RIT2: variants seen among roughly 807,000 people sequenced by gnomAD.
RIT2 encodes GTP-binding protein Rit2.
In RIT2, 24 loss-of-function variants were observed where a neutral mutation model predicts 23.7. That is an observed-to-expected ratio of 1.01 (90% CI 0.73 to 1.43). The LOEUF (loss-of-function observed/expected upper bound fraction) is 1.43, where lower values mean the gene tolerates loss of function less well. RIT2 is among the 40% of genes most tolerant of loss of function. The pLI is 0.00. For synonymous variants in RIT2, 107 were observed against 91.1 expected (o/e 1.17, Z -0.99); for missense variants, 236 against 266.9 (o/e 0.88, Z 0.81).
Position 42,743,732 on chromosome 18 carries a change from A to G in RIT2, c.427-12T>C, listed in dbSNP as rs1555634997. ...TCTTCTGTAGAAACCTAAGGAAAAA[A>G]CAAATAATATTAAAAAGACAGAAAG... On this transcript the variant is annotated splice_polypyrimidine_tract_variant and intron_variant, in intron 4 of 4. Coordinates refer to ENST00000326695, the MANE Select transcript of RIT2 (RefSeq NM_002930.4). 1 of 1,552,422 alleles carries G rather than the reference A, an allele frequency of 6.4e-7. No homozygotes were observed. The highest frequency in any genetic ancestry group is 8.8e-7 in the Non-Finnish European group (1 of 1,133,750).
chr18:43,101,305 A>T (rs935401045), intron 1 of RIT2, among the ~76,000 whole-genome samples: 8 of 152,134 alleles, frequency 5.3e-5, no homozygotes, highest in South Asian at 2.1e-4. Context: ...GGCTGTATGA[A>T]TTCTTACTCT....
chr18:42,987,476 A>C (rs1295053910), intron 2 of RIT2, among the ~76,000 whole-genome samples: 1 of 152,208 alleles, frequency 6.6e-6, no homozygotes, highest in Non-Finnish European at 1.5e-5. Flanking sequence ...AGTTATCGTT[A>C]CTACTCTGAC....
intron 2 of RIT2, among the ~76,000 whole-genome samples, chr18:42,997,271 T>C (rs543391453): frequency 2.6e-5 from 4 of 152,266 alleles, no homozygotes; most frequent in East Asian, 1.9e-4. Context: ...AACTCAAAGA[T>C]GTATTTTTGT....
chr18:43,024,275 T>C (rs948570052), intron 2 of RIT2, among the ~76,000 whole-genome samples: 1 of 151,984 alleles, frequency 6.6e-6, no homozygotes, highest in African/African-American at 2.4e-5. Flanking sequence ...CAACTGATCT[T>C]CCACAAAATC....
rs188948128 is a variant in RIT2 at position 43,034,732 on chromosome 18, T to C, written c.104-865A>G. Among the ~76,000 whole-genome samples the C allele has an allele frequency of 1.1e-3, 173 of 152,286 alleles. 3 individuals carry two copies. The highest frequency in any genetic ancestry group is 0.011 in the Admixed American group (173 of 15,290). ...TGTCCTTGCATTCTGGCTGGGTCTA[T>C]ATATCCCACTTGTCAAATCCTGCTA... On this transcript the variant is annotated intron_variant, in intron 1 of 4. Transcript: ENST00000326695.
At chr18:42,819,073 C>A (rs1208482072) in intron 4 of RIT2, among the ~76,000 whole-genome samples, 1 of 151,934 alleles carries the variant, frequency 6.6e-6, no homozygotes, top group African/African-American at 2.4e-5. Context: ...ATATGAAATA[C>A]AAATGAAGGC....
At chr18:42,778,998 G>A (rs1454116312) in intron 4 of RIT2, among the ~76,000 whole-genome samples, 1 of 152,034 alleles carries the variant, frequency 6.6e-6, no homozygotes, top group Non-Finnish European at 1.5e-5. Context: ...CCCTTCCCCA[G>A]AAAAATGTTA....
At chr18:42,936,791 C>T (rs1001564337) in intron 3 of RIT2, among the ~76,000 whole-genome samples, 9 of 152,070 alleles carry the variant, frequency 5.9e-5, no homozygotes, top group Non-Finnish European at 1.0e-4. Flanking sequence ...GCGGGTGGAT[C>T]ACCTGAGATC....
chr18:42,993,214 G>A (rs549947251), intron 2 of RIT2, among the ~76,000 whole-genome samples: 108 of 152,268 alleles, frequency 7.1e-4, no homozygotes, highest in Non-Finnish European at 5.7e-4. Flanking sequence ...CCTAAGCCAC[G>A]TCCTGTCTAT....
At chr18:43,094,593 A>G (rs1275950093) in intron 1 of RIT2, among the ~76,000 whole-genome samples, 1 of 152,064 alleles carries the variant, frequency 6.6e-6, no homozygotes, top group Non-Finnish European at 1.5e-5. Flanking sequence ...TTGTTTGTAG[A>G]AAGACTTCAA....
chr18:42,853,144 A>G (rs1907100445), intron 4 of RIT2, among the ~76,000 whole-genome samples: 1 of 152,068 alleles, frequency 6.6e-6, no homozygotes, highest in South Asian at 2.1e-4. Flanking sequence ...TCTTTTCAGA[A>G]TTTTGTAATG....
intron 4 of RIT2, among the ~76,000 whole-genome samples, chr18:42,906,898 T>C (rs1051376121): frequency 1.3e-5 from 2 of 152,186 alleles, no homozygotes; most frequent in African/African-American, 4.8e-5. Context: ...TCCTGCCTAT[T>C]GTCTTTCTCT....
At chr18:43,096,315 AG>A (rs1913551917) in intron 1 of RIT2, among the ~76,000 whole-genome samples, 1 of 151,918 alleles carries the variant, frequency 6.6e-6, no homozygotes, top group South Asian at 2.1e-4. Context: ...CATAGAATGT[AG>A]CTGGAAACTA....
At chr18:42,998,993 T>C (rs560932195) in intron 2 of RIT2, among the ~76,000 whole-genome samples, 5 of 152,102 alleles carry the variant, frequency 3.3e-5, no homozygotes, top group Non-Finnish European at 7.4e-5. Flanking sequence ...ATGTGTTAAC[T>C]CTTAATTTTT....
intron 3 of RIT2, among the ~76,000 whole-genome samples, chr18:42,967,925 T>C (rs1372691795): frequency 4.6e-5 from 7 of 152,120 alleles, no homozygotes; most frequent in Non-Finnish European, 8.8e-5. Context: ...TTTATTCTAC[T>C]ATTAAAATAT....
intron 1 of RIT2, among the ~76,000 whole-genome samples, chr18:43,109,877 C>G (rs371645489): frequency 1.3e-5 from 2 of 152,248 alleles, no homozygotes; most frequent in East Asian, 1.9e-4. Context: ...GTCCTAGGGA[C>G]CAGAGAAGGA....
intron 4 of RIT2, among the ~76,000 whole-genome samples, chr18:42,824,539 A>G (rs992228135): frequency 6.6e-6 from 1 of 152,058 alleles, no homozygotes; most frequent in Non-Finnish European, 1.5e-5. Flanking sequence ...GCATAAAATT[A>G]TATGGTAATC....
chr18:42,876,412 T>C (rs979983867), intron 4 of RIT2, among the ~76,000 whole-genome samples: 3 of 151,566 alleles, frequency 2.0e-5, no homozygotes, highest in South Asian at 2.1e-4. Context: ...TGTGGAGTTA[T>C]CATTTTTAGG....
chr18:42,995,445 A>T (rs570741831), intron 2 of RIT2, among the ~76,000 whole-genome samples: 1 of 152,178 alleles, frequency 6.6e-6, no homozygotes, highest in South Asian at 2.1e-4. Flanking sequence ...AGACCACTGC[A>T]GTCATTTCTT....
Sources: gnomAD v4.1 joint callset for allele counts (sites outside exome capture counted in the v4.1 genomes callset) on GRCh38, gnomAD v4.1.1 for gene constraint, MANE v1.5 for transcripts, NCBI Gene and HGNC (gene_info 2026-07-23, HGNC 2026-07-21) for gene names.